Variants in EXOC4 observed in about 807,000 individuals in gnomAD.
EXOC4 encodes the protein exocyst complex component 4.
Under a neutral mutation model 107.2 loss-of-function variants are expected in EXOC4, and 71 were observed. The observed-to-expected ratio is 0.66, with a 90% CI of 0.55 to 0.81. The LOEUF is 0.81. EXOC4 is among the 30% of genes least tolerant of loss of function. The probability of loss-of-function intolerance (pLI) is 0.00; values close to 1 mark genes in which losing one functional copy is unlikely to be tolerated. For synonymous variants in EXOC4, 456 were observed against 441.2 expected, an observed-to-expected ratio of 1.03 and a Z score of -0.42; for missense variants, 1,108 against 1,189.6, an observed-to-expected ratio of 0.93 and a Z score of 1.01.
At chr7:133,444,467 C>T (rs971515287) in intron 7 of EXOC4, among the ~76,000 whole-genome samples, 1 of 152,182 alleles carries the variant, frequency 6.6e-6, no homozygotes, top group Non-Finnish European at 1.5e-5. Context: ...GACAGTCTTA[C>T]AACCCCCTGC....
At chr7:133,350,243 T>C (rs1795877816) in intron 5 of EXOC4, among the ~76,000 whole-genome samples, 1 of 152,146 alleles carries the variant, frequency 6.6e-6, no homozygotes, top group Non-Finnish European at 1.5e-5. Flanking sequence ...AAAAAATCAT[T>C]ACCAAATCCA....
chr7:133,822,613 G>A (rs1052526136), intron 11 of EXOC4, among the ~76,000 whole-genome samples: 1 of 152,206 alleles, frequency 6.6e-6, no homozygotes, highest in Admixed American at 6.5e-5. Flanking sequence ...ATACATTAGA[G>A]TTTGAGCAGC....
At chr7:133,679,077 A>G (rs1450908315) in intron 10 of EXOC4, among the ~76,000 whole-genome samples, 1 of 152,128 alleles carries the variant, frequency 6.6e-6, no homozygotes, top group Admixed American at 6.5e-5. Flanking sequence ...GGCCCATCAC[A>G]TATTTATAAT....
chr7:133,324,333 C>T (rs1795184542), intron 5 of EXOC4, among the ~76,000 whole-genome samples: 1 of 152,132 alleles, frequency 6.6e-6, no homozygotes, highest in Non-Finnish European at 1.5e-5. Flanking sequence ...TTCCTGCTTT[C>T]TCTTGTGGGC....
At chr7:133,350,831 C>T (rs1326824631) in intron 5 of EXOC4, among the ~76,000 whole-genome samples, 3 of 151,798 alleles carry the variant, frequency 2.0e-5, no homozygotes, top group South Asian at 2.1e-4. Flanking sequence ...ACATGGGATG[C>T]GTTTCCATTC....
intron 11 of EXOC4, among the ~76,000 whole-genome samples, chr7:133,839,092 A>T (rs1162726129): frequency 6.6e-6 from 1 of 152,232 alleles, no homozygotes; most frequent in African/African-American, 2.4e-5. Flanking sequence ...TAAGTCAATT[A>T]ACAAGATACC....
chr7:134,063,360 A>C (rs1224227586), intron 17 of EXOC4, among the ~76,000 whole-genome samples: 1 of 152,088 alleles, frequency 6.6e-6, no homozygotes, highest in African/African-American at 2.4e-5. Context: ...CGGTACTAGG[A>C]CCTCACTTAT....
chr7:133,352,552 T>G (rs922983001), intron 5 of EXOC4, among the ~76,000 whole-genome samples: 1 of 152,056 alleles, frequency 6.6e-6, no homozygotes. Context: ...TTTGTGCCTT[T>G]GTAGACAGCA....
chr7:133,338,795 C>G (rs1795590451), intron 5 of EXOC4, among the ~76,000 whole-genome samples: 1 of 145,666 alleles, frequency 6.9e-6, no homozygotes, highest in Non-Finnish European at 1.5e-5. Context: ...CTCTCGTTGC[C>G]CAGGCTGGAG....
intron 15 of EXOC4, among the ~76,000 whole-genome samples, chr7:133,998,820 A>G (rs182876133): frequency 6.6e-6 from 1 of 152,350 alleles, no homozygotes; most frequent in African/African-American, 2.4e-5. Flanking sequence ...CAGGGTGACC[A>G]GTTGAAAACA....
At chr7:133,448,530 A>G (rs1385803391) in intron 7 of EXOC4, among the ~76,000 whole-genome samples, 2 of 151,112 alleles carry the variant, frequency 1.3e-5, no homozygotes, top group African/African-American at 4.9e-5. Context: ...CTGGTCTCAA[A>G]CTCCTGGCCT....
chr7:133,328,835 C>T (rs888701163), intron 5 of EXOC4, among the ~76,000 whole-genome samples: 6 of 152,128 alleles, frequency 3.9e-5, no homozygotes, highest in Non-Finnish European at 7.3e-5. Flanking sequence ...GCCTTTCTCT[C>T]GGGCTGCCCA....
At chr7:133,500,335 TTA>T (rs1442631899) in intron 9 of EXOC4, among the ~76,000 whole-genome samples, 2 of 152,196 alleles carry the variant, frequency 1.3e-5, no homozygotes, top group Non-Finnish European at 2.9e-5. Flanking sequence ...GTAAAATGCT[TTA>T]TGTCATAATA....
chr7:133,576,919 G>C, intron 9 of EXOC4: 3 of 1,252,620 alleles, frequency 2.4e-6, no homozygotes, highest in Non-Finnish European at 3.1e-6. Context: ...TTGCTTTCCA[G>C]ATCTCTTATT....
chr7:133,458,089 A>G (rs1209311473), intron 7 of EXOC4, among the ~76,000 whole-genome samples: 1 of 152,194 alleles, frequency 6.6e-6, no homozygotes, highest in Non-Finnish European at 1.5e-5. Flanking sequence ...TTTACTGGCT[A>G]GATATCACAC....
At chr7:133,257,166 T>G (rs538042647) in intron 1 of EXOC4, among the ~76,000 whole-genome samples, 65 of 152,340 alleles carry the variant, frequency 4.3e-4, no homozygotes, top group Admixed American at 1.4e-3. Flanking sequence ...GGGATTCAGT[T>G]TGTCGGAGGC....
chr7:133,889,016 T>G (rs1454554626), intron 11 of EXOC4, among the ~76,000 whole-genome samples: 2 of 152,268 alleles, frequency 1.3e-5, no homozygotes, highest in Non-Finnish European at 2.9e-5. Context: ...AGATAACATA[T>G]GCTGTGTATG....
chr7:133,703,310 C>T (rs1450688365), intron 10 of EXOC4, among the ~76,000 whole-genome samples: 1 of 152,158 alleles, frequency 6.6e-6, no homozygotes, highest in Non-Finnish European at 1.5e-5. Flanking sequence ...TACGTTGCTG[C>T]TAGCATGTTG....
At position 133,562,818 on chromosome 7, in the gene EXOC4, C is replaced by T. The variant is rs148812879; in HGVS notation, c.1418-67227C>T. On this transcript the variant is annotated intron_variant, in intron 9 of 17. Transcript: ENST00000253861. ...TAATGTGTCTTTAGTAATCCTCATG[C>T]CTCTTAATAAGAGCTTTTAATTTTT... Among the ~76,000 whole-genome samples, 265 of 152,210 alleles carry T rather than the reference C, an allele frequency of 1.7e-3. 1 individual carries two copies. Among genetic ancestry groups the T allele is most frequent in the African/African-American group, 6.0e-3 (248 of 41,546 alleles).
Sources: allele counts gnomAD v4.1 joint callset (sites outside exome capture counted in the v4.1 genomes callset), GRCh38; gene constraint gnomAD v4.1.1; transcripts MANE v1.5; gene names NCBI Gene and HGNC (gene_info 2026-07-23, HGNC 2026-07-21).